Variants in NELL2 observed in about 807,000 individuals in gnomAD.
NELL2 encodes the protein neural EGFL like 2.
In NELL2, 41 loss-of-function variants were observed where a neutral mutation model predicts 109.6. The observed-to-expected ratio is 0.37, with a 90% confidence interval of 0.29 to 0.49. The LOEUF (loss-of-function observed/expected upper bound fraction) is 0.49. NELL2 is among the 20% of genes least tolerant of loss of function. NELL2 has a pLI of 0.98. For synonymous variants in NELL2, 355 were observed against 344.7 expected (o/e 1.03, Z -0.33); for missense variants, 900 against 1,008.3 (o/e 0.89, Z 1.45).
At chr12:44,735,736 TC>T (rs1482791780) in intron 9 of NELL2, among the ~76,000 whole-genome samples, 1 of 152,174 alleles carries the variant, frequency 6.6e-6, no homozygotes, top group African/African-American at 2.4e-5. Flanking sequence ...GGTCTGAGAA[TC>T]CCTTGCTATT....
At chr12:44,659,489 C>G (rs1947658693) in intron 13 of NELL2, among the ~76,000 whole-genome samples, 1 of 151,808 alleles carries the variant, frequency 6.6e-6, no homozygotes, top group South Asian at 2.1e-4. Context: ...GGAACTTAAA[C>G]AAATTTAGAG....
Position 44,607,195 on chromosome 12 carries a change from C to T in NELL2, c.1637G>A (p.Gly546Asp). The T allele has an allele frequency of 6.2e-7, 1 of 1,612,390 alleles. No individual in the cohort carries two copies. Among genetic ancestry groups the T allele is most frequent in the South Asian group, 1.1e-5 (1 of 90,900 alleles). The change falls in exon 15 of 20, where the codon GGC becomes GAC. Residue 546 changes from glycine (G) to aspartate (D), a missense_variant. Coordinates refer to ENST00000429094, the MANE Select transcript of NELL2 (RefSeq NM_001145108.2). The stretch of plus-strand genomic sequence containing the variant: ...CGTTTCACAGCTGGGTCCAGTGAAG[C>T]CTTGTGGGCAGGCACACACATTAGC... Reference protein sequence around the residue: ...IAANVCACPQGFTGPSCETDI... With the variant: ...IAANVCACPQDFTGPSCETDI...
At chr12:44,546,584 T>C (rs926969014) in intron 15 of NELL2, among the ~76,000 whole-genome samples, 1 of 152,214 alleles carries the variant, frequency 6.6e-6, no homozygotes, top group Non-Finnish European at 1.5e-5. Flanking sequence ...TATTTGATGG[T>C]GCTTTAAAAC....
At chr12:44,599,249 A>G (rs1945102372) in intron 15 of NELL2, among the ~76,000 whole-genome samples, 1 of 152,190 alleles carries the variant, frequency 6.6e-6, no homozygotes, top group South Asian at 2.1e-4. Context: ...AGCAAACACA[A>G]TAAAAGATAA....
At chr12:44,509,744 G>T (rs891988621) in intron 19 of NELL2, among the ~76,000 whole-genome samples, 7 of 152,136 alleles carry the variant, frequency 4.6e-5, no homozygotes, top group Non-Finnish European at 1.0e-4. Context: ...CCAGTCTATG[G>T]TATTCTGTTA....
chr12:44,781,695 C>T (rs7958831), intron 3 of NELL2, among the ~76,000 whole-genome samples: 6,182 of 152,078 alleles, frequency 0.041, 395 homozygotes, highest in African/African-American at 0.13. Context: ...ATTAGAGTGA[C>T]AGTGTGTTTC....
intron 13 of NELL2, among the ~76,000 whole-genome samples, chr12:44,634,891 T>G (rs1342321090): frequency 6.6e-6 from 1 of 152,130 alleles, no homozygotes; most frequent in Admixed American, 6.6e-5. Flanking sequence ...TCTGTTCTTG[T>G]GTTAATTTGC....
chr12:44,858,174 G>C (rs999473394), intron 2 of NELL2, among the ~76,000 whole-genome samples: 7 of 152,156 alleles, frequency 4.6e-5, no homozygotes, highest in African/African-American at 7.2e-5. Flanking sequence ...GCCAATTGAG[G>C]CAGAAATAAG....
intron 9 of NELL2, among the ~76,000 whole-genome samples, chr12:44,740,595 A>G (rs1424886929): frequency 5.3e-5 from 8 of 152,192 alleles, no homozygotes; most frequent in Non-Finnish European, 1.0e-4. Context: ...AAAACTTACT[A>G]TAGCATTTAT....
intron 19 of NELL2, 89 bp from the exon 20 acceptor site, chr12:44,509,073 A>G: frequency 9.3e-7 from 1 of 1,080,256 alleles, no homozygotes; most frequent in South Asian, 1.4e-5. Context: ...CTTACAAACA[A>G]AACTGTATAA....
At position 44,857,828 on chromosome 12, in the gene NELL2, C is replaced by T. The variant is rs963862569; in HGVS notation, c.184+17397G>A. Among the ~76,000 whole-genome samples the T allele has an allele frequency of 6.4e-4, 97 of 152,242 alleles. 1 individual carries two copies. The highest frequency in any genetic ancestry group is 9.3e-4 in the Non-Finnish European group (63 of 68,022). On this transcript the variant is annotated intron_variant, in intron 2 of 19. Coordinates refer to ENST00000429094, the MANE Select transcript of NELL2 (RefSeq NM_001145108.2). ...CCTAATCTGCCATTTATCCTCATCC[C>T]TTTCTACCCAAATCCATATATCCTT...
intron 14 of NELL2, among the ~76,000 whole-genome samples, chr12:44,607,925 A>C (rs998794335): frequency 6.6e-6 from 1 of 152,102 alleles, no homozygotes; most frequent in African/African-American, 2.4e-5. Context: ...TGTGAGTAGG[A>C]AGCTGAACCA....
At chr12:44,801,761 A>C (rs576550784) in intron 3 of NELL2, among the ~76,000 whole-genome samples, 1 of 152,278 alleles carries the variant, frequency 6.6e-6, no homozygotes, top group African/African-American at 2.4e-5. Flanking sequence ...AAGGGAAAAC[A>C]CTTCCATGCA....
chr12:44,565,259 C>G (rs541714889), intron 15 of NELL2, among the ~76,000 whole-genome samples: 1 of 152,162 alleles, frequency 6.6e-6, no homozygotes, highest in Non-Finnish European at 1.5e-5. Context: ...TCAACTCTAA[C>G]AACGATCATA....
intron 18 of NELL2, among the ~76,000 whole-genome samples, chr12:44,521,284 G>A (rs535815239): frequency 2.0e-4 from 30 of 152,116 alleles, no homozygotes; most frequent in Non-Finnish European, 4.0e-4. Flanking sequence ...TTAGAAGGTT[G>A]CTTTGGGAGG....
intron 19 of NELL2, among the ~76,000 whole-genome samples, chr12:44,519,435 A>C (rs1941419314): frequency 6.6e-6 from 1 of 152,220 alleles, no homozygotes. Context: ...AATGAGAATA[A>C]GGAGAAAGAG....
At chr12:44,870,526 A>T (rs894984450) in intron 2 of NELL2, among the ~76,000 whole-genome samples, 1 of 152,184 alleles carries the variant, frequency 6.6e-6, no homozygotes, top group African/African-American at 2.4e-5. Flanking sequence ...GGAGATCAGA[A>T]GTCCAAAATG....
intron 13 of NELL2, among the ~76,000 whole-genome samples, chr12:44,660,799 G>C (rs1947714156): frequency 9.3e-6 from 1 of 107,010 alleles, no homozygotes; most frequent in Admixed American, 8.5e-5. Context: ...TCTGAAATGA[G>C]TGTCTCTTCA....
intron 12 of NELL2, among the ~76,000 whole-genome samples, chr12:44,684,140 G>A (rs910869969): frequency 1.3e-5 from 2 of 152,198 alleles, no homozygotes; most frequent in African/African-American, 4.8e-5. Flanking sequence ...TCCTGGTTTA[G>A]TCTTGGGAGA....
Sources: allele counts gnomAD v4.1 joint callset (sites outside exome capture counted in the v4.1 genomes callset), GRCh38; gene constraint gnomAD v4.1.1; transcripts MANE v1.5; gene names NCBI Gene and HGNC (gene_info 2026-07-23, HGNC 2026-07-21).